CRMP1: variants seen among roughly 807,000 people sequenced by gnomAD.
CRMP1 encodes dihydropyrimidinase-related protein 1.
CRMP1 carries 19 observed loss-of-function variants against 68.3 expected under a neutral mutation model. That is an observed-to-expected ratio of 0.28 (90% CI 0.19 to 0.41). CRMP1 has a LOEUF of 0.41. Among genes scored for constraint, CRMP1 ranks in the 10% least tolerant of loss-of-function variants. The pLI, the probability that CRMP1 is intolerant of heterozygous loss-of-function variation, is 1.00. For synonymous variants in CRMP1, 439 were observed against 399.6 expected (o/e 1.10, Z -1.18); for missense variants, 791 against 967.4 (o/e 0.82, Z 2.42).
At position 5,881,419 on chromosome 4, in the gene CRMP1, G is replaced by T. The variant is rs1173421141; in HGVS notation, c.381+11170C>A. Among the ~76,000 whole-genome samples the T allele has an allele frequency of 8.5e-5, 13 of 152,160 alleles. No individual in the cohort carries two copies. The highest frequency in any genetic ancestry group is 8.5e-4 in the Admixed American group (13 of 15,274). ...ATAAAATTTTGCAGCATTCTTGAAG[G>T]ATTAAAGACCTAAAATTACACCAGG... is the stretch of plus-strand genomic sequence containing the variant. On this transcript the variant is annotated intron_variant, in intron 1 of 13. Transcript: ENST00000324989. This position sits in a 1 kb window ranked among gnomAD's most constrained non-coding sequence, Gnocchi z 4.6.
rs2152465480 is a variant in CRMP1, at chr4:5,855,889, C to T, written c.820+254G>A. Among the ~76,000 whole-genome samples the T allele has an allele frequency of 6.6e-6, 1 of 152,264 alleles. No homozygotes were observed. The highest frequency in any genetic ancestry group is 3.4e-3 in the Middle Eastern group (1 of 294). Reference sequence around the variant, plus strand: ...GAAAAGAAAAGTGAAGTTAGATCAGCAAGGGCCTGGGCACAGCAGGCTGCA... The same window carrying T: ...GAAAAGAAAAGTGAAGTTAGATCAGTAAGGGCCTGGGCACAGCAGGCTGCA... On this transcript the variant is annotated intron_variant, in intron 4 of 13. Transcript: ENST00000324989. The surrounding 1 kb of genome is among the most constrained non-coding windows in gnomAD (Gnocchi z 4.9).
Position 5,843,172 on chromosome 4 carries a change from A to G in CRMP1, c.964-11T>C. The G allele has an allele frequency of 6.2e-7, 1 of 1,614,072 alleles. No homozygotes were observed. The highest frequency in any genetic ancestry group is 8.5e-7 in the Non-Finnish European group (1 of 1,179,938). ...GATCCGCTTTTGTTCCTACAAGACA[A>G]GAACAAGTGAGTTAACGATTAGAGG... On this transcript the variant is annotated splice_polypyrimidine_tract_variant and intron_variant, in intron 6 of 13. Transcript: ENST00000324989. This position sits in a 1 kb window ranked among gnomAD's most constrained non-coding sequence, Gnocchi z 4.1.
At chr4:5,826,023 A>C in intron 12 of CRMP1, 2 of 316,860 alleles carry the variant, frequency 6.3e-6, no homozygotes, top group South Asian at 3.4e-5. Flanking sequence ...ACACACTTAA[A>C]TCACATACAG....
rs142846546 is a variant in CRMP1 at position 5,879,345 on chromosome 4, A to G, written c.382-12589T>C. Among the ~76,000 whole-genome samples the G allele has an allele frequency of 2.6e-5, 4 of 152,312 alleles. No homozygotes were observed. Among genetic ancestry groups the G allele is most frequent in the Admixed American group, 2.6e-4 (4 of 15,304 alleles). The stretch of plus-strand genomic sequence containing the variant: ...GCAGTGTCTTGAGTCCAGGATCACA[A>G]GGTCACTCCTTGGAGTTCCCACAAC... On this transcript the variant is annotated intron_variant, in intron 1 of 13. Transcript: ENST00000324989. The surrounding 1 kb of genome is among the most constrained non-coding windows in gnomAD (Gnocchi z 4.2).
Position 5,888,551 on chromosome 4 carries a change from G to A in CRMP1, c.381+4038C>T. The stretch of plus-strand genomic sequence containing the variant: ...AGGGGGCTGCAGACAGCTCCTCCCG[G>A]CGGCGCGGAGCGAAGCCGGATTCGC... On this transcript the variant is annotated intron_variant, in intron 1 of 13. Transcript: ENST00000324989. This position sits in a 1 kb window ranked among gnomAD's most constrained non-coding sequence, Gnocchi z 6.4. The A allele has an allele frequency of 2.6e-6, 3 of 1,138,840 alleles. No homozygotes were observed. Among genetic ancestry groups the A allele is most frequent in the Non-Finnish European group, 3.2e-6 (3 of 928,422 alleles). 70.5% of individuals were successfully genotyped at this position (1,138,840 alleles called of 1,614,324 possible).
rs190748359 is a variant in CRMP1, at chr4:5,858,614, C to T, written c.656-2307G>A. Among the ~76,000 whole-genome samples the T allele has an allele frequency of 8.5e-4, 129 of 152,310 alleles. No individual in the cohort carries two copies. Among genetic ancestry groups the T allele is most frequent in the African/African-American group, 3.0e-3 (125 of 41,560 alleles). On this transcript the variant is annotated intron_variant, in intron 3 of 13. Transcript: ENST00000324989. The surrounding 1 kb of genome is among the most constrained non-coding windows in gnomAD (Gnocchi z 5.5). ...ACCCTCATCTCTCAGCTGAATTACG[C>T]AATCGCCTCCCAACTGGTCCAGACA...
At chr4:5,824,092 G>A (rs1275692653) in intron 13 of CRMP1, among the ~76,000 whole-genome samples, 2 of 152,144 alleles carry the variant, frequency 1.3e-5, no homozygotes, top group African/African-American at 4.8e-5. Context: ...TAACTTCATT[G>A]TTATTCTTGT....
rs921306226 is a variant in CRMP1 at position 5,879,085 on chromosome 4, C to T, written c.382-12329G>A. 5.9e-5 allele frequency among the ~76,000 whole-genome samples: 9 copies of T among 152,178 alleles called. No homozygotes were observed. The highest frequency in any genetic ancestry group is 2.2e-4 in the African/African-American group (9 of 41,440). On this transcript the variant is annotated intron_variant, in intron 1 of 13. Transcript: ENST00000324989. The surrounding 1 kb of genome is among the most constrained non-coding windows in gnomAD (Gnocchi z 4.2). Reference sequence around the variant, plus strand: ...CAAATCCAACCATGCCTCGCTTCTCCTCAAAATCCTTCACCAGCTTGTCCT... The same window carrying T: ...CAAATCCAACCATGCCTCGCTTCTCTTCAAAATCCTTCACCAGCTTGTCCT...
At chr4:5,827,466 C>G (rs947849369) in intron 12 of CRMP1, among the ~76,000 whole-genome samples, 2 of 152,186 alleles carry the variant, frequency 1.3e-5, no homozygotes, top group African/African-American at 4.8e-5. Flanking sequence ...AGATGCAGAG[C>G]CTCCCAGTCC....
Position 5,841,007 on chromosome 4 carries a change from C to A in CRMP1, c.1153+301G>T, listed in dbSNP as rs189532537. Among the ~76,000 whole-genome samples the A allele has an allele frequency of 6.6e-6, 1 of 152,246 alleles. No homozygotes were observed. Among genetic ancestry groups the A allele is most frequent in the East Asian group, 1.9e-4 (1 of 5,182 alleles). ...ATTTTGAAGAGAGTACAGAAAACAT[C>A]ATGCAAAATATTAATGATTTTTACA... On this transcript the variant is annotated intron_variant, in intron 8 of 13. Coordinates refer to ENST00000324989, the MANE Select transcript of CRMP1 (RefSeq NM_001014809.3). The surrounding 1 kb of genome is among the most constrained non-coding windows in gnomAD (Gnocchi z 6.9).
chr4:5,837,297 TATATC>T (rs1269766862), intron 9 of CRMP1, among the ~76,000 whole-genome samples: 1 of 152,050 alleles, frequency 6.6e-6, no homozygotes. Context: ...TACTCTTTGA[TATATC>T]AGGTGCCCTG....
chr4:5,849,151 T>C (rs538204581), intron 6 of CRMP1, among the ~76,000 whole-genome samples: 1 of 152,318 alleles, frequency 6.6e-6, no homozygotes, highest in South Asian at 2.1e-4. Flanking sequence ...GGCTTTTCCA[T>C]GATGCCCACT....
In CRMP1 at chr4:5,890,122, G is replaced by A. The variant is rs115074143; in HGVS notation, c.381+2467C>T. 0.06 allele frequency: 13,381 copies of A among 221,614 alleles called. 513 individuals are homozygous for A. The highest frequency in any genetic ancestry group is 0.11 in the South Asian group (1,184 of 11,078). 13.7% of individuals were successfully genotyped at this position (221,614 alleles called of 1,614,324 possible). On this transcript the variant is annotated intron_variant, in intron 1 of 13. Coordinates refer to ENST00000324989, the MANE Select transcript of CRMP1 (RefSeq NM_001014809.3). The surrounding 1 kb of genome is among the most constrained non-coding windows in gnomAD (Gnocchi z 5.5). ...GTCAATGACCGGAAATTGCAGATGG[G>A]GACACTGTCCCTCCCCAACTCCTAC...
intron 12 of CRMP1, 139 bp downstream of exon 12, chr4:5,828,350 A>T: frequency 7.0e-7 from 1 of 1,434,186 alleles, no homozygotes; most frequent in Non-Finnish European, 9.1e-7. Context: ...CAGCGTCTCA[A>T]CCCATTTAAC....
In CRMP1 at chr4:5,821,805, G is replaced by A. The variant is rs763173426; in HGVS notation, c.2016C>T (p.Ile672=). ...TGGAGCGGCCACCAGGGGGCGCCAC[G>A]ATGCGGTGGCCGGTGCGCCTGGGAT... ...DNNPRRTGHR[I]VAPPGGRSNI... is the part of the protein sequence containing the mutation. Residue 672 remains isoleucine, a synonymous_variant, in exon 14 of 14, where the codon ATC becomes ATT. Transcript: ENST00000324989. The surrounding 1 kb of genome is among the most constrained non-coding windows in gnomAD (Gnocchi z 4.4). 13 of 1,611,444 alleles carry A rather than the reference G, an allele frequency of 8.1e-6. No individual in the cohort carries two copies. In the East Asian group the frequency reaches 1.3e-4, roughly 17 times the overall value.
Position 5,825,352 on chromosome 4 carries a change from G to A in CRMP1, c.1969+142C>T, listed in dbSNP as rs2286286. On this transcript the variant is annotated intron_variant, in intron 13 of 13. Coordinates refer to ENST00000324989, the MANE Select transcript of CRMP1 (RefSeq NM_001014809.3). The surrounding 1 kb of genome is among the most constrained non-coding windows in gnomAD (Gnocchi z 4.4). ...AGCCCACTCTGCCCCACCAGTGAGAGCAGGCTCGGGTGGGGCACACTCCCT... is the reference window on the plus strand; with the variant it reads ...AGCCCACTCTGCCCCACCAGTGAGAACAGGCTCGGGTGGGGCACACTCCCT... The A allele has an allele frequency of 0.18, 259,693 of 1,416,966 alleles. 29,957 individuals carry two copies. Among genetic ancestry groups the A allele is most frequent in the African/African-American group, 0.58 (39,093 of 66,996 alleles). 87.8% of individuals were successfully genotyped at this position (1,416,966 alleles called of 1,614,324 possible).
intron 12 of CRMP1, among the ~76,000 whole-genome samples, chr4:5,827,123 G>A (rs147572430): frequency 4.0e-4 from 61 of 152,302 alleles, no homozygotes; most frequent in African/African-American, 6.5e-4. Flanking sequence ...GGGACCCCCC[G>A]ATCCTATTGC....
At position 5,891,294 on chromosome 4, in the gene CRMP1, G is replaced by T. The variant is rs1006239744; in HGVS notation, c.381+1295C>A. On this transcript the variant is annotated intron_variant, in intron 1 of 13. Transcript: ENST00000324989. The surrounding 1 kb of genome is among the most constrained non-coding windows in gnomAD (Gnocchi z 5.2). ...CTGGAGCAACAGCCCGCCCGCGAAGGGATGGGGCCCGAAGAGGCCCACCAC... is the reference window on the plus strand; with the variant it reads ...CTGGAGCAACAGCCCGCCCGCGAAGTGATGGGGCCCGAAGAGGCCCACCAC... Among the ~76,000 whole-genome samples, 1 of 151,774 alleles carries T rather than the reference G, an allele frequency of 6.6e-6. No homozygotes were observed. The highest frequency in any genetic ancestry group is 1.5e-5 in the Non-Finnish European group (1 of 67,978).
Position 5,893,074 on chromosome 4 carries a change from C to T in CRMP1, c.-105G>A. ...GCCTCGGTGCGGGCCTGCGGCGGCC[C>T]GGGCGCGACTGCGGCCCAGGGAGGG... On this transcript the variant is annotated 5_prime_UTR_variant, in exon 1 of 14. Transcript: ENST00000324989. 7.5e-6 allele frequency: 6 copies of T among 796,462 alleles called. No homozygotes were observed. The highest frequency in any genetic ancestry group is 9.1e-6 in the Non-Finnish European group (6 of 658,728). The allele number at this position is 796,462 out of a possible 1,614,324, so 49.3% of individuals were successfully genotyped here. A position where few individuals can be genotyped will look rare whatever the true frequency, so the allele number is the denominator to read the frequency against.
Sources: gnomAD v4.1 joint callset for allele counts (sites outside exome capture counted in the v4.1 genomes callset) on GRCh38, gnomAD v4.1.1 for gene constraint, Gnocchi (gnomAD v3.1) non-coding constraint, MANE v1.5 for transcripts, NCBI Gene and HGNC (gene_info 2026-07-23, HGNC 2026-07-21) for gene names.